FCHO2: variants seen among roughly 807,000 people sequenced by gnomAD.
FCHO2 encodes the protein FCH and mu domain containing endocytic adaptor 2, also known as F-BAR domain only protein 2.
Under a neutral mutation model 114.1 loss-of-function variants are expected in FCHO2, and 43 were observed. The ratio of observed to expected loss-of-function variants is 0.38; its 90% CI spans 0.30 to 0.49. The LOEUF is 0.49. Among genes scored for constraint, FCHO2 ranks in the 20% least tolerant of loss-of-function variants. FCHO2 has a pLI of 0.97. For missense variants in FCHO2, 807 were observed against 950.4 expected, an observed-to-expected ratio of 0.85 and a Z score of 1.98; for synonymous variants, 293 against 315.2, an observed-to-expected ratio of 0.93 and a Z score of 0.75.
chr5:73,054,623 T>C (rs1757498252), intron 15 of FCHO2, 74 bp downstream of exon 15: 2 of 1,095,042 alleles, frequency 1.8e-6, no homozygotes, highest in South Asian at 1.5e-5. Context: ...CTTTTACCTT[T>C]AGCTGTAGAA....
chr5:73,012,061 T>C (rs542529562), intron 6 of FCHO2, among the ~76,000 whole-genome samples: 1 of 152,324 alleles, frequency 6.6e-6, no homozygotes, highest in South Asian at 2.1e-4. Flanking sequence ...GTAAATACAT[T>C]TACCAGTAAC....
Position 73,041,215 on chromosome 5 carries a change from A to G in FCHO2, c.915-76A>G, listed in dbSNP as rs557913576. ...TAAATAAAAGCTATATTTAAGTACC[A>G]AAGTAAATACTTTAAACAAGCATAA... On this transcript the variant is annotated intron_variant, in intron 10 of 25. Coordinates refer to ENST00000430046, the MANE Select transcript of FCHO2 (RefSeq NM_138782.3). The G allele has an allele frequency of 9.6e-5, 90 of 940,202 alleles. No individual in the cohort carries two copies. In the African/African-American group the frequency reaches 1.1e-3, roughly 11 times the overall value. 58.2% of individuals were successfully genotyped at this position (940,202 alleles called of 1,614,324 possible). A position where few individuals can be genotyped will look rare whatever the true frequency, so the allele number is the denominator to read the frequency against.
chr5:73,005,259 T>C (rs1241290430), intron 5 of FCHO2, among the ~76,000 whole-genome samples: 2 of 152,212 alleles, frequency 1.3e-5, no homozygotes, highest in Non-Finnish European at 2.9e-5. Flanking sequence ...TGTAGTTTTT[T>C]GTTTTTAGAT....
At chr5:73,039,941 AAG>A (rs1419303128) in intron 10 of FCHO2, among the ~76,000 whole-genome samples, 1 of 147,616 alleles carries the variant, frequency 6.8e-6, no homozygotes, top group African/African-American at 2.5e-5. Flanking sequence ...CAGAGAAAAA[AAG>A]AAAAAAAAAA....
chr5:72,979,300 A>G (rs996365174), intron 2 of FCHO2, among the ~76,000 whole-genome samples: 57 of 143,370 alleles, frequency 4.0e-4, no homozygotes, highest in African/African-American at 1.4e-3. Flanking sequence ...CTTGTTATCG[A>G]TCTGTCCAGG....
intron 8 of FCHO2, among the ~76,000 whole-genome samples, chr5:73,024,721 G>T (rs1755824451): frequency 6.6e-6 from 1 of 152,158 alleles, no homozygotes. Context: ...ACAGGTGTGA[G>T]CCACCGCCCG....
At chr5:72,967,210 C>T (rs1253237146) in intron 1 of FCHO2, among the ~76,000 whole-genome samples, 1 of 152,122 alleles carries the variant, frequency 6.6e-6, no homozygotes, top group Admixed American at 6.5e-5. Flanking sequence ...CGCTTGAACC[C>T]GGATGGGGAG....
At chr5:73,065,819 C>T (rs1312665710) in intron 18 of FCHO2, among the ~76,000 whole-genome samples, 1 of 151,890 alleles carries the variant, frequency 6.6e-6, no homozygotes, top group African/African-American at 2.4e-5. Context: ...AGAATCTGGG[C>T]TTTTGGTGTA....
In FCHO2 at chr5:73,054,178, A is replaced by G; in HGVS notation, c.1185+7A>G. Reference sequence around the variant, plus strand: ...CTACTAGAGACACAGTCCAGTAAGTACAAGATTTTATATTTTTGCCCATTG... The same window carrying G: ...CTACTAGAGACACAGTCCAGTAAGTGCAAGATTTTATATTTTTGCCCATTG... On this transcript the variant is annotated splice_region_variant and intron_variant, in intron 14 of 25. Transcript: ENST00000430046. 6.6e-7 allele frequency: 1 copy of G among 1,522,038 alleles called. No individual in the cohort carries two copies. 94.3% of individuals were successfully genotyped at this position (1,522,038 alleles called of 1,614,324 possible). A position where few individuals can be genotyped will look rare whatever the true frequency, so the allele number is the denominator to read the frequency against.
Position 73,006,541 on chromosome 5 carries a change from A to G in FCHO2, c.592A>G (p.Thr198Ala), listed in dbSNP as rs533767889. ...KADFEQKMTE[T>A]AQKFQDIEET... is the part of the protein sequence containing the mutation. ...TGATTTCGAACAGAAAATGACAGAA[A>G]CAGCTCAGGTTGGTATTTTAAGGCT... is the stretch of plus-strand genomic sequence containing the variant. Residue 198 changes from threonine (T) to alanine (A), a missense_variant, in exon 6 of 26, where the codon ACA (threonine) becomes GCA (alanine). Thr to Ala is a moderately conservative substitution (Grantham distance 58). Coordinates refer to ENST00000430046, the MANE Select transcript of FCHO2 (RefSeq NM_138782.3). The G allele has an allele frequency of 1.8e-5, 28 of 1,556,558 alleles. No homozygotes were observed. Among genetic ancestry groups the G allele is most frequent in the Admixed American group, 1.6e-4 (8 of 49,600 alleles).
chr5:73,088,006 G>A (rs956218001), intron 25 of FCHO2, 62 bp from the exon 26 acceptor site: 2 of 1,601,192 alleles, frequency 1.2e-6, no homozygotes, highest in Non-Finnish European at 1.7e-6. Flanking sequence ...TAACCACAGT[G>A]GAAAATGTCC....
Position 73,020,473 on chromosome 5 carries a change from C to T in FCHO2, c.796+3165C>T, listed in dbSNP as rs544649011. ...ATACTTATAAATGAAGAACTAGTGACTGGATACTGAACAGAAATAGACTGG... is the reference window on the plus strand; with the variant it reads ...ATACTTATAAATGAAGAACTAGTGATTGGATACTGAACAGAAATAGACTGG... On this transcript the variant is annotated intron_variant, in intron 8 of 25. Transcript: ENST00000430046. Among the ~76,000 whole-genome samples, 11 of 152,272 alleles carry T rather than the reference C, an allele frequency of 7.2e-5. No homozygotes were observed. The South Asian group carries it at 1.0e-3, about 14-fold the overall frequency.
chr5:73,023,849 C>T (rs1755769462), intron 8 of FCHO2, among the ~76,000 whole-genome samples: 1 of 152,160 alleles, frequency 6.6e-6, no homozygotes, highest in South Asian at 2.1e-4. Context: ...TTTGCTAACT[C>T]AACATATGGG....
intron 1 of FCHO2, among the ~76,000 whole-genome samples, chr5:72,956,720 C>T (rs894940492): frequency 2.0e-4 from 31 of 152,142 alleles, no homozygotes; most frequent in African/African-American, 7.2e-4. Context: ...GTTCACAAAG[C>T]GTTTAAAAGT....
intron 6 of FCHO2, among the ~76,000 whole-genome samples, chr5:73,006,921 T>C (rs1754748118): frequency 6.6e-6 from 1 of 152,086 alleles, no homozygotes; most frequent in Non-Finnish European, 1.5e-5. Context: ...AGAACTTACA[T>C]ATTAGTGAGG....
intron 8 of FCHO2, among the ~76,000 whole-genome samples, chr5:73,025,932 C>T (rs1353632917): frequency 6.6e-6 from 1 of 152,206 alleles, no homozygotes; most frequent in Non-Finnish European, 1.5e-5. Context: ...ATGAGTTCCA[C>T]CCTAAACTAG....
intron 5 of FCHO2, among the ~76,000 whole-genome samples, chr5:72,991,443 T>C (rs1412193915): frequency 6.6e-6 from 1 of 152,248 alleles, no homozygotes. Context: ...AATTACTTTG[T>C]GTAAAATTTA....
At chr5:73,020,586 G>A in intron 8 of FCHO2, 1 of 674,670 alleles carries the variant, frequency 1.5e-6, no homozygotes, top group South Asian at 1.7e-5. Flanking sequence ...AACAGCAGTA[G>A]TACTTTGGGA....
In FCHO2 at chr5:73,089,080, G is replaced by A. The variant is rs1487631984; in HGVS notation, c.*990G>A. On this transcript the variant is annotated 3_prime_UTR_variant, in exon 26 of 26. Transcript: ENST00000430046. ...TGGCTCACTTCTTTGGTGATACACT[G>A]TAGCCACTAGAAAGAGAAATAAACC... The A allele has an allele frequency of 6.6e-6, 1 of 152,476 alleles. No homozygotes were observed. The highest frequency in any genetic ancestry group is 1.9e-4 in the East Asian group (1 of 5,198). 9.4% of individuals were successfully genotyped at this position (152,476 alleles called of 1,614,324 possible).
Sources: allele counts gnomAD v4.1 joint callset (sites outside exome capture counted in the v4.1 genomes callset), GRCh38; gene constraint gnomAD v4.1.1; transcripts MANE v1.5; gene names NCBI Gene and HGNC (gene_info 2026-07-23, HGNC 2026-07-21).